Variants in NECTIN3 observed in about 807,000 individuals in gnomAD.
The protein encoded by NECTIN3 is nectin-3.
In NECTIN3, 8 loss-of-function variants were observed where a neutral mutation model predicts 49.4. The observed-to-expected ratio is 0.16, with a 90% CI of 0.10 to 0.29. The LOEUF (loss-of-function observed/expected upper bound fraction) is 0.29. Among genes scored for constraint, NECTIN3 ranks in the 10% least tolerant of loss-of-function variants. NECTIN3 has a pLI of 1.00. For synonymous variants in NECTIN3, 277 were observed against 241.1 expected (o/e 1.15, Z -1.38); for missense variants, 581 against 654.6 (o/e 0.89, Z 1.23).
intron 7 of NECTIN3, among the ~76,000 whole-genome samples, chr3:111,170,353 G>T (rs555989890): frequency 1.3e-5 from 2 of 152,260 alleles, no homozygotes; most frequent in East Asian, 3.9e-4. Context: ...TACATGAACT[G>T]TGTCATTTAA....
chr3:111,142,831 C>CA (rs1490524214), intron 5 of NECTIN3, among the ~76,000 whole-genome samples: 1 of 151,652 alleles, frequency 6.6e-6, no homozygotes, highest in Non-Finnish European at 1.5e-5. Flanking sequence ...ACATTGTCAT[C>CA]AAAATAAGAA....
chr3:111,072,245 G>A (rs1267620517), intron 1 of NECTIN3, 68 bp downstream of exon 1: 5 of 1,485,518 alleles, frequency 3.4e-6, no homozygotes, highest in Non-Finnish European at 4.5e-6. Flanking sequence ...GCCGCGGCCG[G>A]CTCTGCCAGC....
In NECTIN3 at chr3:111,135,273, A is replaced by G. The variant is rs374432940; in HGVS notation, c.*1058A>G. 6.2e-6 allele frequency: 6 copies of G among 966,336 alleles called. No homozygotes were observed. The African/African-American group carries it at 8.8e-5, about 14-fold the overall frequency. 59.9% of individuals were successfully genotyped at this position (966,336 alleles called of 1,614,324 possible). On this transcript the variant is annotated 3_prime_UTR_variant, in exon 6 of 6. Coordinates refer to ENST00000485303, the MANE Select transcript of NECTIN3 (RefSeq NM_015480.3). ...TAACTAGAAAAAACTAGATTATAGA[A>G]TTAGTCGGTAACACTTGCTAATGGA...
Position 111,150,692 on chromosome 3 carries a change from C to A in NECTIN3, c.1221+3208C>A, listed in dbSNP as rs540910217. 3.3e-5 allele frequency among the ~76,000 whole-genome samples: 5 copies of A among 151,838 alleles called. No homozygotes were observed. The South Asian group carries it at 1.0e-3, about 31-fold the overall frequency. The stretch of plus-strand genomic sequence containing the variant: ...TATTCAAATAGTCTCCCTTTTCCAA[C>A]TAATGTATTTGCGTGAAGCTTTTTT... On this transcript the variant is annotated intron_variant, in intron 7 of 8. Transcript: ENST00000493615.
intron 7 of NECTIN3, among the ~76,000 whole-genome samples, chr3:111,177,689 T>C (rs750159642): frequency 1.3e-5 from 2 of 152,124 alleles, no homozygotes; most frequent in Non-Finnish European, 2.9e-5. Flanking sequence ...TATGAGTGGG[T>C]AAATAGGTAC....
intron 7 of NECTIN3, among the ~76,000 whole-genome samples, chr3:111,170,444 A>C (rs2035413953): frequency 6.6e-6 from 1 of 152,168 alleles, no homozygotes; most frequent in African/African-American, 2.4e-5. Context: ...GAGGGGTATT[A>C]AGGAAAAAAA....
intron 1 of NECTIN3, among the ~76,000 whole-genome samples, chr3:111,106,503 G>T (rs2033188371): frequency 6.6e-6 from 1 of 152,082 alleles, no homozygotes; most frequent in Non-Finnish European, 1.5e-5. Context: ...TTCTTACATG[G>T]TTATTTCTGT....
At chr3:111,096,657 G>A (rs561556276) in intron 1 of NECTIN3, among the ~76,000 whole-genome samples, 28 of 152,102 alleles carry the variant, frequency 1.8e-4, no homozygotes, top group Non-Finnish European at 2.6e-4. Flanking sequence ...AGTATACTGC[G>A]TCCCAGCCGC....
rs2107494001 is a variant in NECTIN3 at position 111,133,751 on chromosome 3, A to G, written c.1186A>G (p.Thr396Ala). Residue 396 changes from threonine (T) to alanine (A), a missense_variant, in exon 6 of 6, where the codon ACA becomes GCA. By Grantham distance (58) the Thr-to-Ala change is moderately conservative. This residue lies in a region of NECTIN3 where 238 missense variants were observed against 244.9 expected (regional missense o/e 0.97). Transcript: ENST00000485303. Reference sequence around the variant, plus strand: ...GCCCTTCCCATTGTCAACTTTGGCAACAATTAAGGATGACACAATTGCCAC... The same window carrying G: ...GCCCTTCCCATTGTCAACTTTGGCAGCAATTAAGGATGACACAATTGCCAC... ...KLPFPLSTLA[T>A]IKDDTIATII... 1 of 1,613,980 alleles carries G rather than the reference A, an allele frequency of 6.2e-7. No individual in the cohort carries two copies. Among genetic ancestry groups the G allele is most frequent in the Non-Finnish European group, 8.5e-7 (1 of 1,179,878 alleles).
intron 1 of NECTIN3, among the ~76,000 whole-genome samples, chr3:111,090,146 A>G (rs2107388511): frequency 6.6e-6 from 1 of 152,240 alleles, no homozygotes; most frequent in South Asian, 2.1e-4. Context: ...TTTAAGACGT[A>G]TCTTTTGTAA....
chr3:111,167,814 GA>G (rs1169518800), intron 7 of NECTIN3, among the ~76,000 whole-genome samples: 1 of 152,008 alleles, frequency 6.6e-6, no homozygotes, highest in Non-Finnish European at 1.5e-5. Context: ...TTGTCATTGG[GA>G]AAAATCCCCC....
chr3:111,096,945 A>G (rs1205190035), intron 1 of NECTIN3, among the ~76,000 whole-genome samples: 1 of 152,200 alleles, frequency 6.6e-6, no homozygotes, highest in Non-Finnish European at 1.5e-5. Context: ...CAGAGTCCCC[A>G]CTGGGATACC....
At chr3:111,095,194 C>T (rs1039434790) in intron 1 of NECTIN3, among the ~76,000 whole-genome samples, 6 of 152,112 alleles carry the variant, frequency 3.9e-5, no homozygotes, top group South Asian at 2.1e-4. Flanking sequence ...ACCAAGTTTG[C>T]GTATACACAG....
At position 111,123,206 on chromosome 3, in the gene NECTIN3, G is replaced by A. The variant is rs150640555; in HGVS notation, c.917+968G>A. Among the ~76,000 whole-genome samples, 36 of 152,062 alleles carry A rather than the reference G, an allele frequency of 2.4e-4. No homozygotes were observed. In the East Asian group the frequency reaches 5.4e-3, roughly 23 times the overall value. ...TAAAAATATGTTATTTTCATAGCAC[G>A]CTTTTCTTATTTTATGAGTGTAGTA... On this transcript the variant is annotated intron_variant, in intron 4 of 5. Transcript: ENST00000485303.
At chr3:111,082,840 C>A (rs1454166694) in intron 1 of NECTIN3, among the ~76,000 whole-genome samples, 2 of 152,142 alleles carry the variant, frequency 1.3e-5, no homozygotes, top group Non-Finnish European at 2.9e-5. Flanking sequence ...TGTTTTCCTG[C>A]AACTAGACAG....
At chr3:111,101,307 C>T (rs1324488915) in intron 1 of NECTIN3, among the ~76,000 whole-genome samples, 2 of 152,020 alleles carry the variant, frequency 1.3e-5, no homozygotes, top group Non-Finnish European at 2.9e-5. Context: ...ATGAAAACCC[C>T]ATTTTAGAAA....
At chr3:111,188,266 C>G (rs1192310422), upstream of NECTIN3, among the ~76,000 whole-genome samples, 1 of 152,156 alleles carries the variant, frequency 6.6e-6, no homozygotes, top group Admixed American at 6.5e-5. Context: ...AGTGCAGAAA[C>G]AGATACATAA....
downstream of NECTIN3, among the ~76,000 whole-genome samples, chr3:111,142,343 A>G (rs887864738): frequency 2.6e-5 from 4 of 151,852 alleles, no homozygotes; most frequent in African/African-American, 9.7e-5. Flanking sequence ...TTCAGCAGCT[A>G]CCAGCCTATT....
At chr3:111,144,269 A>G (rs1018996994) in intron 5 of NECTIN3, among the ~76,000 whole-genome samples, 2 of 151,988 alleles carry the variant, frequency 1.3e-5, no homozygotes, top group African/African-American at 4.8e-5. Flanking sequence ...TGGCCAGGAG[A>G]TAGGAAGAAT....
Sources: gnomAD v4.1 joint callset for allele counts (sites outside exome capture counted in the v4.1 genomes callset) on GRCh38, gnomAD v4.1.1 for gene constraint, gnomAD v4.1.1 regional missense constraint, MANE v1.5 for transcripts, NCBI Gene and HGNC (gene_info 2026-07-23, HGNC 2026-07-21) for gene names.